TRPC5: variants seen among roughly 807,000 people sequenced by gnomAD.
The protein encoded by TRPC5 is short transient receptor potential channel 5.
A neutral mutation model predicts 56.5 loss-of-function variants in TRPC5; 9 were observed. The ratio of observed to expected loss-of-function variants is 0.16; its 90% CI spans 0.10 to 0.28. The LOEUF (loss-of-function observed/expected upper bound fraction) is 0.28, where lower values mean the gene tolerates loss of function less well. TRPC5 is among the 10% of genes least tolerant of loss of function. The pLI, the probability that TRPC5 is intolerant of heterozygous loss-of-function variation, is 1.00. For missense variants in TRPC5, 469 were observed against 748.9 expected, an observed-to-expected ratio of 0.63 and a Z score of 4.36; for synonymous variants, 282 against 278.5, an observed-to-expected ratio of 1.01 and a Z score of -0.13.
At chrX:111,881,728 C>G (rs1318078505) in intron 3 of TRPC5, among the ~76,000 whole-genome samples, 1 of 110,336 alleles carries the variant, frequency 9.1e-6, no homozygotes, top group Non-Finnish European at 1.9e-5. Flanking sequence ...AGTAAACTGC[C>G]AATTGCTCAT....
At position 111,986,408 on chromosome X, in the gene TRPC5, C is replaced by T. The variant is rs138272386; in HGVS notation, c.-21-33967G>A. 1.4e-3 allele frequency among the ~76,000 whole-genome samples: 156 copies of T among 109,921 alleles called. 1 individual carries two copies. Among genetic ancestry groups the T allele is most frequent in the East Asian group, 0.013 (45 of 3,525 alleles). On this transcript the variant is annotated intron_variant, in intron 1 of 10. Transcript: ENST00000262839. ...TTGACAGAAAACTCAAATAGTTCTT[C>T]TGGAGTATAGTATACCTCCTCATGG... is the stretch of plus-strand genomic sequence containing the variant.
At chrX:111,939,420 T>C (rs762981717) in intron 2 of TRPC5, among the ~76,000 whole-genome samples, 2 of 111,466 alleles carry the variant, frequency 1.8e-5, no homozygotes, top group Non-Finnish European at 3.8e-5. Context: ...TTAGAATGAA[T>C]TAGAAATATT....
intron 2 of TRPC5, among the ~76,000 whole-genome samples, chrX:111,913,209 G>A (rs1925870253): frequency 9.0e-6 from 1 of 111,584 alleles, no homozygotes; most frequent in Non-Finnish European, 1.9e-5. Context: ...ATGACAACAT[G>A]CCCATTTCTG....
At chrX:111,838,468 AC>A (rs1922633452) in intron 6 of TRPC5, among the ~76,000 whole-genome samples, 1 of 110,935 alleles carries the variant, frequency 9.0e-6, no homozygotes, top group African/African-American at 3.3e-5. Flanking sequence ...GTGGGGGTGT[AC>A]TACTTGGTGC....
chrX:112,018,982 T>A (rs1230040609), intron 1 of TRPC5, among the ~76,000 whole-genome samples: 1 of 112,545 alleles, frequency 8.9e-6, no homozygotes, highest in East Asian at 2.8e-4. Context: ...GTCAGCTGGA[T>A]CCTGTCTCTC....
intron 6 of TRPC5, among the ~76,000 whole-genome samples, chrX:111,836,623 T>C (rs1311847228): frequency 8.9e-6 from 1 of 112,046 alleles, no homozygotes; most frequent in Non-Finnish European, 1.9e-5. Flanking sequence ...ATTTTCTTTG[T>C]AGCACTTGAA....
chrX:111,826,711 G>T (rs1311203905), intron 7 of TRPC5, among the ~76,000 whole-genome samples: 1 of 112,568 alleles, frequency 8.9e-6, no homozygotes, highest in African/African-American at 3.2e-5. Context: ...TAGTGGAAGT[G>T]AAAGGTGGCA....
chrX:111,777,445 C>A (rs1945887921), intron 10 of TRPC5, among the ~76,000 whole-genome samples: 2 of 109,867 alleles, frequency 1.8e-5, no homozygotes, highest in South Asian at 7.9e-4. Flanking sequence ...AGACAGGGGG[C>A]CCTGTTCAAA....
chrX:111,911,119 G>A (rs1387701347), intron 3 of TRPC5, among the ~76,000 whole-genome samples: 1 of 111,672 alleles, frequency 9.0e-6, no homozygotes, highest in African/African-American at 3.3e-5. Context: ...TCATTTCTAA[G>A]GCGTGGTAGT....
Position 111,952,093 on chromosome X carries a change from C to T in TRPC5, c.328G>A (p.Gly110Ser). 5.0e-6 allele frequency: 6 copies of T among 1,212,002 alleles called. No individual in the cohort carries two copies. The highest frequency in any genetic ancestry group is 6.7e-6 in the Non-Finnish European group (6 of 895,489). ...TAGCTGAGCAGAAGCTCCACAGCGC[C>T]CACCACTTCCTTGCGTATGGCATAG... The part of the protein sequence containing the change: ...LLYAIRKEVV[G>S]AVELLLSYRR... Residue 110 changes from glycine (G) to serine (S), a missense_variant, in exon 2 of 11, where the codon GGC becomes AGC. Gly to Ser is a moderately conservative substitution (Grantham distance 56). This residue lies in a region of TRPC5 where 118 missense variants were observed against 167.1 expected (regional missense o/e 0.71). Transcript: ENST00000262839.
intron 3 of TRPC5, among the ~76,000 whole-genome samples, chrX:111,908,968 T>C (rs1161048993): frequency 2.7e-5 from 3 of 109,274 alleles, no homozygotes; most frequent in Admixed American, 2.0e-4. Context: ...CTAGGCAACA[T>C]AGTGAGACCT....
At chrX:111,802,310 A>C (rs1921335847) in intron 7 of TRPC5, among the ~76,000 whole-genome samples, 1 of 111,478 alleles carries the variant, frequency 9.0e-6, no homozygotes, top group African/African-American at 3.3e-5. Flanking sequence ...TAAATCCTCA[A>C]ACTTCATTGA....
intron 6 of TRPC5, 109 bp downstream of exon 6, chrX:111,847,005 G>A (rs1371922934): frequency 3.5e-6 from 3 of 854,218 alleles, no homozygotes; most frequent in African/African-American, 4.1e-5. Flanking sequence ...TGCCTTCACA[G>A]TCAAGTGGCA....
chrX:111,843,718 C>T (rs774631248), intron 6 of TRPC5, among the ~76,000 whole-genome samples: 1 of 110,480 alleles, frequency 9.1e-6, no homozygotes, highest in Non-Finnish European at 1.9e-5. Context: ...CCAGTGGGAG[C>T]CAGGATGCAA....
intron 1 of TRPC5, among the ~76,000 whole-genome samples, chrX:112,034,713 AGT>A (rs1371402812): frequency 9.0e-6 from 1 of 110,519 alleles, no homozygotes; most frequent in African/African-American, 3.3e-5. Context: ...GTGTGTTTCC[AGT>A]AATTTTTCCA....
At chrX:111,835,243 A>G (rs1464165021) in intron 6 of TRPC5, 127 bp from the exon 7 acceptor site, 8 of 570,389 alleles carry the variant, frequency 1.4e-5, no homozygotes, top group African/African-American at 4.6e-5. Context: ...GTGATCTCAC[A>G]TATTTTGGGC....
At position 111,769,329 on chromosome X, in the gene TRPC5, CA is replaced by C. The variant is rs1945830885; in HGVS notation, c.*6983del. ...CTCAATGTATTTTACTGTTTAAACA[CA>C]AAGGGTTAATCATTATGGTTGTTCC... On this transcript the variant is annotated 3_prime_UTR_variant, in exon 11 of 11. Coordinates refer to ENST00000262839, the MANE Select transcript of TRPC5 (RefSeq NM_012471.3). 8.9e-6 allele frequency among the ~76,000 whole-genome samples: 1 copy of C among 112,010 alleles called. No homozygotes were observed. Among genetic ancestry groups the C allele is most frequent in the African/African-American group, 3.2e-5 (1 of 30,841 alleles).
chrX:111,974,679 CA>C (rs1221102204), intron 1 of TRPC5, among the ~76,000 whole-genome samples: 1 of 110,414 alleles, frequency 9.1e-6, no homozygotes, highest in African/African-American at 3.3e-5. Flanking sequence ...CTGGAGAAGA[CA>C]GAATGGGTTT....
intron 1 of TRPC5, among the ~76,000 whole-genome samples, chrX:111,964,383 A>G (rs1198570135): frequency 8.9e-6 from 1 of 112,433 alleles, no homozygotes; most frequent in African/African-American, 3.2e-5. Flanking sequence ...GAATGGAACC[A>G]AGTTGGAAAA....
Sources: allele counts gnomAD v4.1 joint callset (sites outside exome capture counted in the v4.1 genomes callset), GRCh38; gene constraint gnomAD v4.1.1; regional missense constraint gnomAD v4.1.1; transcripts MANE v1.5; gene names NCBI Gene and HGNC (gene_info 2026-07-23, HGNC 2026-07-21).